Variants in SLC25A19 observed in about 807,000 individuals in gnomAD.
SLC25A19 encodes solute carrier family 25 member 19.
Under a neutral mutation model 27.9 loss-of-function variants are expected in SLC25A19, and 18 were observed. The ratio of observed to expected loss-of-function variants is 0.64; its 90% CI spans 0.45 to 0.96. The LOEUF (loss-of-function observed/expected upper bound fraction) is 0.96, where lower values mean the gene tolerates loss of function less well. Ranked by LOEUF, SLC25A19 falls within the 40% of genes least tolerant of loss-of-function variation. SLC25A19 has a pLI of 0.00. For missense variants in SLC25A19, 371 were observed against 418.3 expected, an observed-to-expected ratio of 0.89 and a Z score of 0.99; for synonymous variants, 169 against 167.1, an observed-to-expected ratio of 1.01 and a Z score of -0.09.
intron 4 of SLC25A19, among the ~76,000 whole-genome samples, chr17:75,284,006 TG>T (rs1301016997): frequency 1.3e-5 from 2 of 151,210 alleles, no homozygotes; most frequent in African/African-American, 4.9e-5. Flanking sequence ...CCCAGGTACT[TG>T]GGGGGCTGAG....
rs766216357 is a variant in SLC25A19 at position 75,278,155 on chromosome 17, T to C, written c.640A>G (p.Asn214Asp). 8.7e-6 allele frequency: 14 copies of C among 1,613,426 alleles called. No homozygotes were observed. The highest frequency in any genetic ancestry group is 1.2e-5 in the Non-Finnish European group (14 of 1,180,006). Residue 214 changes from asparagine to aspartate, a missense_variant, in exon 6 of 8, where the codon AAT becomes GAT. Asn to Asp is a conservative substitution (Grantham distance 23). Coordinates refer to ENST00000416858, the MANE Select transcript of SLC25A19 (RefSeq NM_001126121.2). Reference protein sequence around the residue: ...KWAIPAEGKKNENLQNLLCGS... With the variant: ...KWAIPAEGKKDENLQNLLCGS... ...TCTCGTGTGAGGGCTGCCTCACCAT[T>C]TTTCTTTCCTTCGGCTGGTATGGCC...
chr17:75,281,055 G>C (rs1217854351), intron 5 of SLC25A19, among the ~76,000 whole-genome samples: 1 of 151,822 alleles, frequency 6.6e-6, no homozygotes, highest in Non-Finnish European at 1.5e-5. Context: ...AGTCAGGTGT[G>C]ATGGCACACA....
Position 75,283,309 on chromosome 17 carries a change from CA to C in SLC25A19, c.459+113del, listed in dbSNP as rs748617729. 15 of 1,212,794 alleles carry C rather than the reference CA, an allele frequency of 1.2e-5. No homozygotes were observed. The East Asian group carries it at 1.9e-4, about 16-fold the overall frequency. The allele number at this position is 1,212,794 out of a possible 1,614,324, so 75.1% of individuals were successfully genotyped here. A position where few individuals can be genotyped will look rare whatever the true frequency, so the allele number is the denominator to read the frequency against. On this transcript the variant is annotated intron_variant, in intron 5 of 7. Coordinates refer to ENST00000416858, the MANE Select transcript of SLC25A19 (RefSeq NM_001126121.2). Reference sequence around the variant, plus strand: ...GAGCGAGATTCTGTCTCAAACAAAACAAAACAGAACAAAACAAAAATAAATA... The same window carrying C: ...GAGCGAGATTCTGTCTCAAACAAAACAAACAGAACAAAACAAAAATAAATA...
rs776677050 is a variant in SLC25A19 at position 75,286,388 on chromosome 17, C to G, written c.204G>C (p.Gln68His). 1 of 1,614,200 alleles carries G rather than the reference C, an allele frequency of 6.2e-7. No individual in the cohort carries two copies. The highest frequency in any genetic ancestry group is 2.2e-5 in the East Asian group (1 of 44,884). ...CTGTCGGACCCTCCTCCTGCAGAAT[C>G]TGCCTAGAGGCCTGGAGGATGCCAT... ...KYHGILQASR[Q>H]ILQEEGPTAF... The change falls in exon 4 of 8, where the codon CAG becomes CAC. Residue 68 changes from glutamine to histidine, a missense_variant. By Grantham distance (24) the Gln-to-His change is conservative (BLOSUM62 0). Transcript: ENST00000416858.
intron 3 of SLC25A19, 74 bp downstream of exon 3, chr17:75,286,559 G>A (rs540539412): frequency 1.9e-4 from 304 of 1,613,982 alleles, no homozygotes; most frequent in Non-Finnish European, 2.4e-4. Flanking sequence ...AGAATTCCAA[G>A]TTTTAGGAAC....
intron 4 of SLC25A19, among the ~76,000 whole-genome samples, chr17:75,285,760 G>T (rs1340460980): frequency 6.6e-6 from 1 of 152,222 alleles, no homozygotes; most frequent in African/African-American, 2.4e-5. Flanking sequence ...ACAGGGGCCT[G>T]GCCCATGGTT....
chr17:75,280,386 A>C (rs989333187), intron 5 of SLC25A19, among the ~76,000 whole-genome samples: 4 of 151,370 alleles, frequency 2.6e-5, no homozygotes, highest in African/African-American at 9.7e-5. Context: ...TAAAGAAAAA[A>C]AGCCCAGGCA....
chr17:75,277,641 T>G (rs1292552303), intron 6 of SLC25A19, among the ~76,000 whole-genome samples, 158 bp from the exon 7 acceptor site: 1 of 152,016 alleles, frequency 6.6e-6, no homozygotes, highest in Non-Finnish European at 1.5e-5. Flanking sequence ...AAAAGGAATG[T>G]AATCTAGGGG....
chr17:75,287,053 T>C, intron 2 of SLC25A19: 2 of 380,010 alleles, frequency 5.3e-6, no homozygotes, highest in Non-Finnish European at 5.0e-6. Context: ...ATACAAAAAT[T>C]TAAAAATAAA....
At chr17:75,273,671 GC>G in intron 7 of SLC25A19, 32 bp from the exon 8 acceptor site, 2 of 1,598,992 alleles carry the variant, frequency 1.3e-6, no homozygotes, top group Non-Finnish European at 1.7e-6. Flanking sequence ...AAATATGGAT[GC>G]CCGCTCTGCT....
intron 4 of SLC25A19, among the ~76,000 whole-genome samples, chr17:75,284,229 C>A (rs1422797917): frequency 1.3e-5 from 2 of 151,842 alleles, no homozygotes; most frequent in African/African-American, 2.4e-5. Context: ...ATGGTGGAAC[C>A]CTGTCTCTAC....
At chr17:75,283,225 C>T (rs2078087636) in intron 5 of SLC25A19, among the ~76,000 whole-genome samples, 198 bp downstream of exon 5, 1 of 146,980 alleles carries the variant, frequency 6.8e-6, no homozygotes, top group South Asian at 2.2e-4. Context: ...CGCTTGAACT[C>T]GGGAGGTGGA....
chr17:75,286,620 AG>A lies in SLC25A19; in HGVS notation c.132+12del. ...GTCCTCCAGTCCATTGCATGGAAAA[AG>A]GGGAAGAGTACCTGGAAACGGATCT... On this transcript the variant is annotated intron_variant, in intron 3 of 7. Transcript: ENST00000416858. 1 of 1,614,044 alleles carries A rather than the reference AG, an allele frequency of 6.2e-7. No homozygotes were observed. Among genetic ancestry groups the A allele is most frequent in the Non-Finnish European group, 8.5e-7 (1 of 1,179,964 alleles).
intron 4 of SLC25A19, among the ~76,000 whole-genome samples, chr17:75,285,965 C>T (rs368134556): frequency 4.6e-5 from 7 of 152,208 alleles, no homozygotes; most frequent in Admixed American, 3.3e-4. Context: ...CTCCTCATGA[C>T]GGTGTGGTGA....
chr17:75,273,961 C>G, intron 7 of SLC25A19: 1 of 345,768 alleles, frequency 2.9e-6, no homozygotes, highest in South Asian at 2.4e-5. Flanking sequence ...GCAGTTTCGC[C>G]ATGTTGGCCA....
intron 5 of SLC25A19, among the ~76,000 whole-genome samples, chr17:75,281,709 C>T (rs191220000): frequency 6.6e-6 from 1 of 152,080 alleles, no homozygotes. Flanking sequence ...AACCAACCAA[C>T]CAAACAAACA....
chr17:75,282,185 C>G (rs1166201080), intron 5 of SLC25A19, among the ~76,000 whole-genome samples: 1 of 151,988 alleles, frequency 6.6e-6, no homozygotes, highest in African/African-American at 2.4e-5. Context: ...CCCAGGAGGT[C>G]GAGGCTTCAG....
intron 7 of SLC25A19, among the ~76,000 whole-genome samples, chr17:75,276,560 G>A (rs1021583265): frequency 2.1e-5 from 3 of 142,214 alleles, no homozygotes; most frequent in Non-Finnish European, 3.2e-5. Context: ...TAGAAACGGG[G>A]TTTCACCATG....
intron 2 of SLC25A19, chr17:75,287,803 A>G (rs1251182628): frequency 3.9e-5 from 6 of 152,466 alleles, no homozygotes; most frequent in Admixed American, 3.3e-4. Context: ...CCCCTCCTGC[A>G]CACACCTCAG....
Sources: gnomAD v4.1 joint callset for allele counts (sites outside exome capture counted in the v4.1 genomes callset) on GRCh38, gnomAD v4.1.1 for gene constraint, MANE v1.5 for transcripts, NCBI Gene and HGNC (gene_info 2026-07-23, HGNC 2026-07-21) for gene names.